The following PAQR8 variants were observed in gnomAD, a reference collection of about 807,000 sequenced individuals.
The protein encoded by PAQR8 is membrane progestin receptor beta.
In PAQR8, 17 loss-of-function variants were observed where a neutral mutation model predicts 25.2. The ratio of observed to expected loss-of-function variants is 0.67; its 90% confidence interval spans 0.46 to 1.01. PAQR8 has a LOEUF of 1.01. PAQR8 is among the 50% of genes least tolerant of loss of function. The pLI, the probability that PAQR8 is intolerant of heterozygous loss-of-function variation, is 0.00. For missense variants in PAQR8, 392 were observed against 448.4 expected, an observed-to-expected ratio of 0.87 and a Z score of 1.14; for synonymous variants, 204 against 190.6, an observed-to-expected ratio of 1.07 and a Z score of -0.58.
chr6:52,371,304 GACCCT>G (rs1444454037), intron 1 of PAQR8, among the ~76,000 whole-genome samples: 1 of 152,108 alleles, frequency 6.6e-6, no homozygotes, highest in African/African-American at 2.4e-5. Flanking sequence ...CTTGTCCAGT[GACCCT>G]CTCAACAATA....
intron 1 of PAQR8, among the ~76,000 whole-genome samples, chr6:52,375,123 A>C (rs1763470487): frequency 6.6e-6 from 1 of 152,168 alleles, no homozygotes; most frequent in African/African-American, 2.4e-5. Context: ...AGTTGTCTAT[A>C]GTAGAGTCAG....
chr6:52,367,443 A>G (rs1423983033), intron 1 of PAQR8, among the ~76,000 whole-genome samples: 1 of 152,256 alleles, frequency 6.6e-6, no homozygotes. Context: ...CTTAACACAC[A>G]GAAGGATCGC....
intron 1 of PAQR8, among the ~76,000 whole-genome samples, chr6:52,371,468 T>G (rs549099877): frequency 2.0e-5 from 3 of 152,268 alleles, no homozygotes; most frequent in South Asian, 4.1e-4. Flanking sequence ...AAGCATGAAT[T>G]GCATAGGAGA....
In PAQR8 at chr6:52,406,765, G is replaced by A. The variant is rs768048801; in HGVS notation, c.*2487G>A. ...TTTTGTAGAGACAGGGTTTTGCCAC[G>A]TTGCTTAGGCTGGTCTTGAACTCCT... On this transcript the variant is annotated 3_prime_UTR_variant, in exon 2 of 2. Transcript: ENST00000442253. The A allele has an allele frequency of 2.6e-5, 10 of 385,100 alleles. No individual in the cohort carries two copies. Among genetic ancestry groups the A allele is most frequent in the South Asian group, 1.5e-4 (1 of 6,758 alleles). The allele number at this position is 385,100 out of a possible 1,614,324, so 23.9% of individuals were successfully genotyped here. A position where few individuals can be genotyped will look rare whatever the true frequency, so the allele number is the denominator to read the frequency against.
chr6:52,369,110 C>A (rs1763388749), intron 1 of PAQR8, among the ~76,000 whole-genome samples: 1 of 152,040 alleles, frequency 6.6e-6, no homozygotes, highest in African/African-American at 2.4e-5. Context: ...CATATCAGAG[C>A]AATATTTTTT....
At chr6:52,393,467 T>C (rs541336424) in intron 1 of PAQR8, among the ~76,000 whole-genome samples, 40 of 151,370 alleles carry the variant, frequency 2.6e-4, no homozygotes, top group African/African-American at 9.7e-4. Context: ...TCCTGAGTAA[T>C]TGGGACTACA....
intron 1 of PAQR8, among the ~76,000 whole-genome samples, chr6:52,387,366 C>G (rs1763645230): frequency 6.6e-6 from 1 of 152,198 alleles, no homozygotes; most frequent in Non-Finnish European, 1.5e-5. Flanking sequence ...TGGCTGGACT[C>G]TTGGGACACG....
rs1193647416 is a variant in PAQR8 at position 52,407,232 on chromosome 6, ATCC to A, written c.*2957_*2959del. The A allele has an allele frequency of 6.0e-6, 1 of 167,074 alleles. No homozygotes were observed. Among genetic ancestry groups the A allele is most frequent in the African/African-American group, 2.4e-5 (1 of 41,450 alleles). The allele number at this position is 167,074 out of a possible 1,614,324, so 10.3% of individuals were successfully genotyped here. A position where few individuals can be genotyped will look rare whatever the true frequency, so the allele number is the denominator to read the frequency against. ...AAAAACTAAACTATCAGTCATTTAC[ATCC>A]TCTCATGAATGAAATGCAGTGTAGG... On this transcript the variant is annotated 3_prime_UTR_variant, in exon 2 of 2. Transcript: ENST00000442253.
intron 1 of PAQR8, 144 bp from the exon 2 acceptor site, chr6:52,403,018 C>T (rs1763853693): frequency 1.0e-5 from 6 of 584,070 alleles, no homozygotes; most frequent in Middle Eastern, 9.0e-4. Flanking sequence ...TTGCAATGAG[C>T]TGTGATCGTG....
Position 52,404,266 on chromosome 6 carries a change from GA to G in PAQR8, c.1056del (p.Asp353IlefsTer29). 6.3e-7 allele frequency: 1 copy of G among 1,590,370 alleles called. No homozygotes were observed. The highest frequency in any genetic ancestry group is 8.6e-7 in the Non-Finnish European group (1 of 1,161,756). On this transcript the variant is annotated frameshift_variant, in exon 2 of 2. Transcript: ENST00000442253. LOFTEE classifies it high-confidence loss of function. ...RHKVKARLTK[K>X]DS ...ACAAAGTCAAGGCCAGACTGACCAA[GA>G]AAGATTCCTGAGGCTGGCAAGTGGG... is the stretch of plus-strand genomic sequence containing the variant.
In PAQR8 at chr6:52,404,650, G is replaced by C. The variant is rs1401263713; in HGVS notation, c.*372G>C. Reference sequence around the variant, plus strand: ...ATAAAATTGGACTGGAAAGTAAGTAGGTGGCTGGTCCTCACCCTGTTGGAA... The same window carrying C: ...ATAAAATTGGACTGGAAAGTAAGTACGTGGCTGGTCCTCACCCTGTTGGAA... On this transcript the variant is annotated 3_prime_UTR_variant, in exon 2 of 2. Transcript: ENST00000442253. The C allele has an allele frequency of 2.0e-5, 4 of 204,728 alleles. No individual in the cohort carries two copies. In the East Asian group the frequency reaches 5.1e-4, roughly 26 times the overall value. 12.7% of individuals were successfully genotyped at this position (204,728 alleles called of 1,614,324 possible).
chr6:52,393,333 C>CTCTTT (rs774890184), intron 1 of PAQR8, among the ~76,000 whole-genome samples: 3 of 111,188 alleles, frequency 2.7e-5, no homozygotes, highest in African/African-American at 1.0e-4. Flanking sequence ...CTTTCTCTCT[C>CTCTTT]TTTTTTTTTT....
intron 1 of PAQR8, among the ~76,000 whole-genome samples, chr6:52,374,805 A>G (rs1158802426): frequency 2.0e-5 from 3 of 151,978 alleles, no homozygotes; most frequent in Non-Finnish European, 2.9e-5. Flanking sequence ...TTTTTTAACC[A>G]TCTTACTCAT....
intron 1 of PAQR8, among the ~76,000 whole-genome samples, chr6:52,366,668 G>A (rs1386550447): frequency 1.3e-5 from 2 of 152,126 alleles, no homozygotes; most frequent in Admixed American, 6.5e-5. Flanking sequence ...GTTGTGTTTG[G>A]TTTTTGCTCT....
chr6:52,383,046 G>T (rs1043324470), intron 1 of PAQR8, among the ~76,000 whole-genome samples: 2 of 152,234 alleles, frequency 1.3e-5, no homozygotes, highest in Non-Finnish European at 1.5e-5. Context: ...AAAGTGTTGG[G>T]ATTATTGGTG....
chr6:52,362,552 A>G lies in PAQR8; in HGVS notation c.-53+303A>G, dbSNP rs1763303116. The G allele has an allele frequency of 6.5e-6, 1 of 153,194 alleles. No individual in the cohort carries two copies. The highest frequency in any genetic ancestry group is 6.5e-5 in the Admixed American group (1 of 15,286). 9.5% of individuals were successfully genotyped at this position (153,194 alleles called of 1,614,324 possible). A position where few individuals can be genotyped will look rare whatever the true frequency, so the allele number is the denominator to read the frequency against. ...CTGTAGTGGGGTGGCCAGGACTGCG[A>G]TGCTGGGGAGTCATGGAGCCTGAGC... On this transcript the variant is annotated intron_variant, in intron 1 of 1. Transcript: ENST00000442253. This position sits in a 1 kb window ranked among gnomAD's most constrained non-coding sequence, Gnocchi z 4.1.
intron 1 of PAQR8, among the ~76,000 whole-genome samples, chr6:52,398,632 C>A (rs774331758): frequency 1.3e-5 from 2 of 152,192 alleles, no homozygotes; most frequent in African/African-American, 4.8e-5. Flanking sequence ...CGGCTCACTG[C>A]AACCTCCTCC....
chr6:52,403,564 G>A lies in PAQR8; in HGVS notation c.351G>A (p.Leu117=), dbSNP rs1307500824. The change falls in exon 2 of 2, where the codon CTG becomes CTA. Residue 117 remains leucine (L), a synonymous_variant. Transcript: ENST00000442253. ...THSLPLLLFI[L]SSITYLTCSL... ...CCCTGCCTCTGCTCCTCTTCATCCT[G>A]TCGTCAATCACTTACCTCACCTGCA... 1 of 1,614,076 alleles carries A rather than the reference G, an allele frequency of 6.2e-7. No homozygotes were observed. Among genetic ancestry groups the A allele is most frequent in the Admixed American group, 1.7e-5 (1 of 60,032 alleles).
chr6:52,390,329 T>A (rs1763689071), intron 1 of PAQR8, among the ~76,000 whole-genome samples: 1 of 152,166 alleles, frequency 6.6e-6, no homozygotes, highest in Non-Finnish European at 1.5e-5. Flanking sequence ...AGGGTTCTAG[T>A]TAGATAAAGA....
Sources: gnomAD v4.1 joint callset for allele counts (sites outside exome capture counted in the v4.1 genomes callset) on GRCh38, gnomAD v4.1.1 for gene constraint, Gnocchi (gnomAD v3.1) non-coding constraint, MANE v1.5 for transcripts, NCBI Gene and HGNC (gene_info 2026-07-23, HGNC 2026-07-21) for gene names.